TMEM181: variants seen among roughly 807,000 people sequenced by gnomAD.
The protein encoded by TMEM181 is transmembrane protein 181, also known as G protein-coupled receptor 178.
Under a neutral mutation model 71.9 loss-of-function variants are expected in TMEM181, and 39 were observed. The ratio of observed to expected loss-of-function variants is 0.54; its 90% CI spans 0.42 to 0.71. The LOEUF is 0.71. Ranked by LOEUF, TMEM181 falls within the 30% of genes least tolerant of loss-of-function variation. TMEM181 has a pLI of 0.00. For synonymous variants in TMEM181, 245 were observed against 228.8 expected, an observed-to-expected ratio of 1.07 and a Z score of -0.64; for missense variants, 595 against 583.0, an observed-to-expected ratio of 1.02 and a Z score of -0.21.
At chr6:158,599,247 T>A (rs941352671) in intron 6 of TMEM181, among the ~76,000 whole-genome samples, 1 of 152,168 alleles carries the variant, frequency 6.6e-6, no homozygotes, top group Non-Finnish European at 1.5e-5. Context: ...GAGGACAAGG[T>A]TGTGCTCAGC....
chr6:158,630,348 TAGAC>T (rs199638661), intron 15 of TMEM181, among the ~76,000 whole-genome samples: 61 of 152,094 alleles, frequency 4.0e-4, no homozygotes, highest in Non-Finnish European at 6.9e-4. Context: ...ATTTAAAAAT[TAGAC>T]AGGTGTGGTG....
rs182492996 is a variant in TMEM181 at position 158,594,593 on chromosome 6, C to T, written c.492+4811C>T. Among the ~76,000 whole-genome samples, 13 of 152,304 alleles carry T rather than the reference C, an allele frequency of 8.5e-5. No individual in the cohort carries two copies. The East Asian group carries it at 2.5e-3, about 29-fold the overall frequency. ...TGTTTGTCCATTGGCTGAAGGACAACATCTTGGTTGTTTTTAAGTTTTGAC... is the reference window on the plus strand; with the variant it reads ...TGTTTGTCCATTGGCTGAAGGACAATATCTTGGTTGTTTTTAAGTTTTGAC... On this transcript the variant is annotated intron_variant, in intron 6 of 16. Coordinates refer to ENST00000684151, the MANE Select transcript of TMEM181 (RefSeq NM_001376852.1).
At chr6:158,594,501 C>T (rs1784288855) in intron 6 of TMEM181, among the ~76,000 whole-genome samples, 1 of 152,144 alleles carries the variant, frequency 6.6e-6, no homozygotes, top group Non-Finnish European at 1.5e-5. Flanking sequence ...TAAGTTTTCT[C>T]TATGGCTTGA....
intron 10 of TMEM181, among the ~76,000 whole-genome samples, chr6:158,617,711 A>C (rs1163979600): frequency 6.6e-6 from 1 of 152,122 alleles, no homozygotes; most frequent in African/African-American, 2.4e-5. Context: ...GAACATCTTT[A>C]TTTCTGCCTT....
intron 2 of TMEM181, 111 bp downstream of exon 2, chr6:158,573,634 G>T: frequency 3.4e-6 from 3 of 892,994 alleles, no homozygotes; most frequent in Middle Eastern, 2.2e-4. Flanking sequence ...GGGCCCCAGC[G>T]TGGAGGGAGA....
chr6:158,589,932 A>G (rs1196742652), intron 6 of TMEM181, 150 bp downstream of exon 6: 5 of 625,816 alleles, frequency 8.0e-6, no homozygotes, highest in African/African-American at 1.8e-5. Context: ...GGAAAACTAC[A>G]GTTTCTTAAG....
At chr6:158,567,140 G>A (rs1347176943) in intron 1 of TMEM181, among the ~76,000 whole-genome samples, 1 of 152,226 alleles carries the variant, frequency 6.6e-6, no homozygotes, top group Non-Finnish European at 1.5e-5. Context: ...TGTATTAGAT[G>A]CCTCTTGTGA....
At chr6:158,591,957 T>TA (rs1582998717) in intron 6 of TMEM181, among the ~76,000 whole-genome samples, 1 of 152,232 alleles carries the variant, frequency 6.6e-6, no homozygotes, top group Non-Finnish European at 1.5e-5. Flanking sequence ...AGGCAAGTGA[T>TA]ACAGTGTTAC....
intron 13 of TMEM181, among the ~76,000 whole-genome samples, chr6:158,627,661 G>A (rs560394233): frequency 7.9e-5 from 12 of 152,354 alleles, no homozygotes; most frequent in African/African-American, 2.6e-4. Context: ...AGACAGCTGC[G>A]TCGCTGGAGG....
rs1785917955 is a variant in TMEM181, at chr6:158,620,944, C to T, written c.897-2606C>T. Among the ~76,000 whole-genome samples, 1 of 152,244 alleles carries T rather than the reference C, an allele frequency of 6.6e-6. No individual in the cohort carries two copies. Among genetic ancestry groups the T allele is most frequent in the Non-Finnish European group, 1.5e-5 (1 of 68,032 alleles). ...GGCCAAGTTAGGTCAGAGGCACTCTCTTACGGGCTAAGAGTATTTAAGCGT... is the reference window on the plus strand; with the variant it reads ...GGCCAAGTTAGGTCAGAGGCACTCTTTTACGGGCTAAGAGTATTTAAGCGT... On this transcript the variant is annotated intron_variant, in intron 10 of 16. Coordinates refer to ENST00000684151, the MANE Select transcript of TMEM181 (RefSeq NM_001376852.1). The surrounding 1 kb of genome is among the most constrained non-coding windows in gnomAD (Gnocchi z 4.5).
In TMEM181 at chr6:158,589,607, T is replaced by G. The variant is rs760845687; in HGVS notation, c.382-65T>G. Reference sequence around the variant, plus strand: ...TCTGCTGTTGAAACGTGTTACTTCATGGGTTATTTGGCGGGAGCGTGAGTC... The same window carrying G: ...TCTGCTGTTGAAACGTGTTACTTCAGGGGTTATTTGGCGGGAGCGTGAGTC... On this transcript the variant is annotated intron_variant, in intron 5 of 16. Transcript: ENST00000684151. 6 of 1,234,442 alleles carry G rather than the reference T, an allele frequency of 4.9e-6. 1 individual carries two copies. The South Asian group carries it at 7.4e-5, about 15-fold the overall frequency. 76.5% of individuals were successfully genotyped at this position (1,234,442 alleles called of 1,614,324 possible).
intron 11 of TMEM181, among the ~76,000 whole-genome samples, chr6:158,624,330 TGC>T (rs879792912): frequency 0.13 from 20,331 of 152,164 alleles, 1,512 homozygotes; most frequent in Middle Eastern, 0.2. Flanking sequence ...GTCACTTAGG[TGC>T]TTTTGAGAAA....
chr6:158,622,234 A>G (rs1786003900), intron 10 of TMEM181, among the ~76,000 whole-genome samples: 1 of 152,266 alleles, frequency 6.6e-6, no homozygotes, highest in Non-Finnish European at 1.5e-5. Context: ...TAGAAAAACT[A>G]TAACAATATA....
intron 1 of TMEM181, among the ~76,000 whole-genome samples, chr6:158,571,182 C>T (rs1037273555): frequency 7.9e-5 from 12 of 152,168 alleles, no homozygotes; most frequent in East Asian, 3.9e-4. Context: ...CTGCAAGCTC[C>T]GCCTCCCGGG....
intron 1 of TMEM181, among the ~76,000 whole-genome samples, chr6:158,562,387 C>G (rs983668891): frequency 4.6e-5 from 7 of 151,964 alleles, no homozygotes; most frequent in African/African-American, 1.7e-4. Context: ...GACTCTCATG[C>G]TCACATGTTG....
At chr6:158,536,782 C>T in exon 1 of TMEM181, 1 of 1,572,192 alleles carries the variant, frequency 6.4e-7, no homozygotes, top group Non-Finnish European at 8.6e-7. Flanking sequence ...GCAGCGAGCT[C>T]AAGCACCTGT....
At chr6:158,565,397 G>A (rs941378571) in intron 1 of TMEM181, among the ~76,000 whole-genome samples, 6 of 152,186 alleles carry the variant, frequency 3.9e-5, no homozygotes, top group Non-Finnish European at 8.8e-5. Context: ...AGCTGGCCAG[G>A]CCTGAGCAAG....
chr6:158,544,008 G>A (rs1310718987), intron 1 of TMEM181, among the ~76,000 whole-genome samples: 2 of 152,152 alleles, frequency 1.3e-5, no homozygotes, highest in East Asian at 3.9e-4. Flanking sequence ...TGGAAATCGG[G>A]TCTGCACATC....
chr6:158,541,895 T>C (rs1299530535), intron 1 of TMEM181, among the ~76,000 whole-genome samples: 2 of 147,024 alleles, frequency 1.4e-5, no homozygotes, highest in African/African-American at 5.0e-5. Context: ...ACTGGGATTT[T>C]ATCTTTTTTT....
Sources: allele counts gnomAD v4.1 joint callset (sites outside exome capture counted in the v4.1 genomes callset), GRCh38; gene constraint gnomAD v4.1.1; non-coding constraint Gnocchi (gnomAD v3.1); transcripts MANE v1.5; gene names NCBI Gene and HGNC (gene_info 2026-07-23, HGNC 2026-07-21).